The following VASH2 variants were observed in gnomAD, a reference collection of about 807,000 sequenced individuals.
The protein encoded by VASH2 is tubulinyl-Tyr carboxypeptidase 2.
A neutral mutation model predicts 37.2 loss-of-function variants in VASH2; 28 were observed. The ratio of observed to expected loss-of-function variants is 0.75; its 90% CI spans 0.56 to 1.03. The LOEUF is 1.03. Among genes scored for constraint, VASH2 ranks in the 50% least tolerant of loss-of-function variants. VASH2 has a pLI of 0.00. For missense variants in VASH2, 419 were observed against 459.1 expected (o/e 0.91, Z 0.80); for synonymous variants, 188 against 174.7 (o/e 1.08, Z -0.60).
At position 212,951,930 on chromosome 1, in the gene VASH2, A is replaced by T. The variant is rs1666324979; in HGVS notation, c.276+112A>T. ...CAATCTCCATTTTCCTAGTCCTGCT[A>T]CAAACTCCCTTCCTCTCCCCATTCC... On this transcript the variant is annotated intron_variant, in intron 2 of 7. Coordinates refer to ENST00000517399, the MANE Select transcript of VASH2 (RefSeq NM_001301056.2). The surrounding 1 kb of genome is among the most constrained non-coding windows in gnomAD (Gnocchi z 4.4). 7.9e-7 allele frequency: 1 copy of T among 1,270,334 alleles called. No homozygotes were observed. The highest frequency in any genetic ancestry group is 1.5e-5 in the South Asian group (1 of 68,038). 78.7% of individuals were successfully genotyped at this position (1,270,334 alleles called of 1,614,324 possible).
chr1:212,967,485 A>G, intron 5 of VASH2: 1 of 1,145,804 alleles, frequency 8.7e-7, no homozygotes, highest in Non-Finnish European at 1.1e-6. Flanking sequence ...AGATGGTCCC[A>G]GGCAAGATCA....
chr1:212,974,045 A>C lies in VASH2; in HGVS notation c.970A>C (p.Arg324=). The C allele has an allele frequency of 6.2e-7, 1 of 1,613,584 alleles. No homozygotes were observed. The highest frequency in any genetic ancestry group is 8.5e-7 in the Non-Finnish European group (1 of 1,179,654). ...CAGAAGGAGACAGGCAAGCCCCCCG[A>C]GGAGGCTCGGCCGGCGAGAGAAGTC... ...SPRRRQASPP[R]RLGRREKSPA... Residue 324 remains arginine (R), a synonymous_variant, in exon 7 of 8, where the codon AGG becomes CGG. Coordinates refer to ENST00000517399, the MANE Select transcript of VASH2 (RefSeq NM_001301056.2).
intron 4 of VASH2, 26 bp downstream of exon 4, chr1:212,965,804 AGATGACCTCTCTCCTACATTC>A (rs1157116293): frequency 1.9e-6 from 3 of 1,546,758 alleles, no homozygotes; most frequent in Non-Finnish European, 2.6e-6. Context: ...TCTATGGGCC[AGATGACCTCTCTCCTACATTC>A]GAGCTGCCAG....
intron 2 of VASH2, among the ~76,000 whole-genome samples, chr1:212,952,243 C>T (rs1045044447): frequency 3.3e-5 from 5 of 152,212 alleles, no homozygotes; most frequent in Admixed American, 3.3e-4. Context: ...CCTCTTCCCC[C>T]AGCAAATGAT....
chr1:212,956,897 G>C (rs946236827), intron 2 of VASH2, among the ~76,000 whole-genome samples: 2 of 152,106 alleles, frequency 1.3e-5, no homozygotes, highest in African/African-American at 4.8e-5. Context: ...CATTTTCACC[G>C]TTTTTAAGTG....
intron 3 of VASH2, among the ~76,000 whole-genome samples, chr1:212,962,529 G>A (rs906005925): frequency 1.3e-5 from 2 of 152,136 alleles, no homozygotes; most frequent in African/African-American, 2.4e-5. Context: ...CTATGTTATG[G>A]CAAAAATCTT....
At position 212,988,571 on chromosome 1, in the gene VASH2, A is replaced by G. The variant is rs760003665; in HGVS notation, c.1055A>G (p.Gln352Arg). ...AGCACTCTGAATGAAGTGGGCTATCAAATCCGAATTTAGCCAAGCCATACC... is the reference window on the plus strand; with the variant it reads ...AGCACTCTGAATGAAGTGGGCTATCGAATCCGAATTTAGCCAAGCCATACC... Reference protein sequence around the residue: ...DLSTLNEVGYQIRI With the variant: ...DLSTLNEVGYRIRI The change falls in exon 8 of 8, where the codon CAA becomes CGA. Residue 352 changes from glutamine (Q) to arginine (R), a missense_variant. Transcript: ENST00000517399. 4.3e-6 allele frequency: 7 copies of G among 1,614,130 alleles called. No individual in the cohort carries two copies. The Admixed American group carries it at 1.0e-4, about 23-fold the overall frequency.
intron 2 of VASH2, among the ~76,000 whole-genome samples, chr1:212,960,080 C>A (rs558926369): frequency 6.6e-6 from 1 of 152,158 alleles, no homozygotes; most frequent in Non-Finnish European, 1.5e-5. Flanking sequence ...AACCCCAAAC[C>A]GTGCCTGGCT....
At chr1:212,984,576 T>C (rs910333595) in intron 7 of VASH2, among the ~76,000 whole-genome samples, 4 of 152,206 alleles carry the variant, frequency 2.6e-5, no homozygotes, top group Admixed American at 1.3e-4. Flanking sequence ...TTTTCTTATA[T>C]GAAGGGCAGC....
chr1:212,976,695 A>G (rs1667183731), intron 7 of VASH2, among the ~76,000 whole-genome samples: 1 of 152,244 alleles, frequency 6.6e-6, no homozygotes. Context: ...CTGCGCCTGC[A>G]GAGGACAGCT....
At chr1:212,969,194 C>T (rs1009027130) in intron 5 of VASH2, 4 of 922,472 alleles carry the variant, frequency 4.3e-6, no homozygotes, top group East Asian at 2.5e-4. Flanking sequence ...AATTCTTCTT[C>T]TTTTTTTTTT....
intron 2 of VASH2, among the ~76,000 whole-genome samples, chr1:212,958,151 T>C (rs1666552936): frequency 6.6e-6 from 1 of 152,164 alleles, no homozygotes; most frequent in African/African-American, 2.4e-5. Flanking sequence ...GCCCACCTGG[T>C]TTACAGTCCA....
At chr1:212,952,650 T>G (rs1276380449) in intron 2 of VASH2, 1 of 152,234 alleles carries the variant, frequency 6.6e-6, no homozygotes, top group African/African-American at 2.4e-5. Context: ...ATACGTTATA[T>G]GAAACATCAA....
chr1:212,979,219 T>C (rs1210780629), intron 7 of VASH2, among the ~76,000 whole-genome samples: 1 of 152,228 alleles, frequency 6.6e-6, no homozygotes, highest in Admixed American at 6.5e-5. Context: ...CTTCCACCCA[T>C]GGCCTTCGCC....
intron 3 of VASH2, among the ~76,000 whole-genome samples, chr1:212,963,232 TTA>T (rs1462445998): frequency 2.6e-5 from 4 of 152,218 alleles, no homozygotes; most frequent in Non-Finnish European, 5.9e-5. Flanking sequence ...CTCTGACCCA[TTA>T]TGACTGCGAA....
At position 212,972,929 on chromosome 1, in the gene VASH2, C is replaced by A; in HGVS notation, c.847C>A (p.Leu283Met). 1.2e-6 allele frequency: 2 copies of A among 1,613,562 alleles called. No homozygotes were observed. The highest frequency in any genetic ancestry group is 1.7e-6 in the Non-Finnish European group (2 of 1,180,030). Residue 283 changes from leucine to methionine, a missense_variant, in exon 6 of 8, where the codon CTG becomes ATG. This residue lies in a region of VASH2 where 177 missense variants were observed against 166.2 expected (regional missense o/e 1.06). Coordinates refer to ENST00000517399, the MANE Select transcript of VASH2 (RefSeq NM_001301056.2). ...KMLRADIRKE[L>M]EKYARDMRMK... ...GCTGAGGGCTGACATAAGGAAGGAG[C>A]TGGAGAAATATGCCAGGGACATGAG...
At chr1:212,973,050 A>C in intron 6 of VASH2, 89 bp downstream of exon 6, 1 of 1,506,012 alleles carries the variant, frequency 6.6e-7, no homozygotes, top group Non-Finnish European at 8.8e-7. Context: ...TCATTTTTCT[A>C]GGATGGCCAA....
In VASH2 at chr1:212,991,234, T is replaced by G. The variant is rs1471517311; in HGVS notation, c.*2650T>G. 6.6e-6 allele frequency: 1 copy of G among 152,220 alleles called. No homozygotes were observed. The highest frequency in any genetic ancestry group is 1.5e-5 in the Non-Finnish European group (1 of 68,042). The allele number at this position is 152,220 out of a possible 1,614,324, so 9.4% of individuals were successfully genotyped here. On this transcript the variant is annotated 3_prime_UTR_variant, in exon 8 of 8. Coordinates refer to ENST00000517399, the MANE Select transcript of VASH2 (RefSeq NM_001301056.2). ...TTCTAAGTCAATTATTTCATAAGGATTTTATTAATAGATATTGGTAAATAG... is the reference window on the plus strand; with the variant it reads ...TTCTAAGTCAATTATTTCATAAGGAGTTTATTAATAGATATTGGTAAATAG...
intron 5 of VASH2, among the ~76,000 whole-genome samples, chr1:212,969,908 A>G (rs1331919910): frequency 6.6e-6 from 1 of 152,082 alleles, no homozygotes; most frequent in Non-Finnish European, 1.5e-5. Flanking sequence ...TTTGGCCCAG[A>G]GTTCAGGATT....
Sources: allele counts gnomAD v4.1 joint callset (sites outside exome capture counted in the v4.1 genomes callset), GRCh38; gene constraint gnomAD v4.1.1; regional missense constraint gnomAD v4.1.1; non-coding constraint Gnocchi (gnomAD v3.1); transcripts MANE v1.5; gene names NCBI Gene and HGNC (gene_info 2026-07-23, HGNC 2026-07-21).